Variants in KLHL29 observed in about 807,000 individuals in gnomAD.
The protein encoded by KLHL29 is kelch-like protein 29.
A neutral mutation model predicts 80.4 loss-of-function variants in KLHL29; 21 were observed. That is an observed-to-expected ratio of 0.26 (90% CI 0.19 to 0.38). The LOEUF is 0.38. KLHL29 is among the 10% of genes least tolerant of loss of function. The pLI is 1.00. For synonymous variants in KLHL29, 511 were observed against 526.8 expected, an observed-to-expected ratio of 0.97 and a Z score of 0.41; for missense variants, 867 against 1,223.9, an observed-to-expected ratio of 0.71 and a Z score of 4.35.
At chr2:23,471,213 T>C (rs1664487269) in intron 1 of KLHL29, among the ~76,000 whole-genome samples, 1 of 152,196 alleles carries the variant, frequency 6.6e-6, no homozygotes, top group South Asian at 2.1e-4. Context: ...GGACCCATAA[T>C]TGGAGAGTGT....
intron 2 of KLHL29, among the ~76,000 whole-genome samples, chr2:23,526,381 G>A (rs193206417): frequency 6.0e-4 from 92 of 152,350 alleles, no homozygotes; most frequent in South Asian, 1.0e-3. Context: ...GCCTGGCAGC[G>A]GGACAGCCCA....
At chr2:23,639,318 A>C (rs1487828067) in intron 4 of KLHL29, 38 bp downstream of exon 4, 4 of 1,532,470 alleles carry the variant, frequency 2.6e-6, no homozygotes, top group Non-Finnish European at 3.5e-6. Context: ...GACTGAGCCC[A>C]GGGCTTGGCG....
intron 3 of KLHL29, among the ~76,000 whole-genome samples, chr2:23,584,199 G>C (rs1047660008): frequency 6.6e-6 from 1 of 152,204 alleles, no homozygotes; most frequent in Admixed American, 6.5e-5. Flanking sequence ...TTCTCCAGCT[G>C]CTCCCCTGGG....
At chr2:23,677,341 T>C (rs1320038050) in intron 5 of KLHL29, among the ~76,000 whole-genome samples, 1 of 152,200 alleles carries the variant, frequency 6.6e-6, no homozygotes, top group East Asian at 1.9e-4. Flanking sequence ...TTCCTAGGAC[T>C]TTGGCTCCCT....
intron 1 of KLHL29, among the ~76,000 whole-genome samples, chr2:23,388,989 C>CTTCT (rs759353519): frequency 9.4e-6 from 1 of 106,884 alleles, no homozygotes; most frequent in African/African-American, 3.8e-5. Flanking sequence ...CTTTCTTCTT[C>CTTCT]TTTTTTTTTT....
At chr2:23,476,292 T>G (rs1248225620) in intron 2 of KLHL29, among the ~76,000 whole-genome samples, 1 of 152,048 alleles carries the variant, frequency 6.6e-6, no homozygotes, top group Non-Finnish European at 1.5e-5. Context: ...GTAATTAAGT[T>G]TTATAATTAA....
intron 2 of KLHL29, chr2:23,523,980 C>T (rs564618302): frequency 3.2e-5 from 15 of 471,602 alleles, no homozygotes; most frequent in Non-Finnish European, 5.3e-5. Flanking sequence ...ATGCGTCTTT[C>T]GGGAGCTTGC....
chr2:23,643,016 A>G, intron 5 of KLHL29, 166 bp downstream of exon 5: 1 of 823,812 alleles, frequency 1.2e-6, no homozygotes, highest in Non-Finnish European at 2.1e-6. Flanking sequence ...AACTGGCCTG[A>G]GATGGGGGAG....
intron 1 of KLHL29, among the ~76,000 whole-genome samples, chr2:23,456,674 C>T (rs142221875): frequency 2.0e-5 from 3 of 152,356 alleles, no homozygotes; most frequent in African/African-American, 7.2e-5. Flanking sequence ...CCACATTGCA[C>T]GCTTCAGCCT....
At chr2:23,521,512 G>C (rs11883731) in intron 2 of KLHL29, among the ~76,000 whole-genome samples, 2,297 of 152,296 alleles carry the variant, frequency 0.015, 53 homozygotes, top group African/African-American at 0.052. Context: ...CATTGGGCCA[G>C]CTGGGCAGTC....
chr2:23,651,834 C>A (rs1050694794), intron 5 of KLHL29, among the ~76,000 whole-genome samples: 1 of 152,192 alleles, frequency 6.6e-6, no homozygotes, highest in African/African-American at 2.4e-5. Flanking sequence ...CCTCACGTGG[C>A]CTTTCCTCTG....
intron 2 of KLHL29, among the ~76,000 whole-genome samples, chr2:23,526,252 T>A (rs1409745862): frequency 5.3e-5 from 8 of 150,806 alleles, no homozygotes. Context: ...GCGCATGCAG[T>A]TCAGAGGAAC....
At chr2:23,597,401 ATATATATTTTTTTTTTTTTTTTTTT>A (rs1558402848) in intron 3 of KLHL29, among the ~76,000 whole-genome samples, 682 of 55,292 alleles carry the variant, frequency 0.012, 13 homozygotes, top group Middle Eastern at 0.034. Flanking sequence ...ATATATATAT[ATATATATTTTTTTTTTTTTTTTTTT>A]TTTTTTTTTT....
intron 2 of KLHL29, among the ~76,000 whole-genome samples, chr2:23,501,608 G>A (rs185921382): frequency 6.6e-5 from 10 of 152,058 alleles, no homozygotes; most frequent in East Asian, 3.9e-4. Flanking sequence ...CTGTTTTTTC[G>A]TTTTCCTTCA....
At chr2:23,539,615 AT>A (rs923466790) in intron 2 of KLHL29, among the ~76,000 whole-genome samples, 5 of 150,612 alleles carry the variant, frequency 3.3e-5, no homozygotes, top group Non-Finnish European at 5.9e-5. Context: ...TGATTTTTGT[AT>A]TTTTTTTAAG....
intron 4 of KLHL29, among the ~76,000 whole-genome samples, chr2:23,639,598 C>T (rs558169875): frequency 6.6e-6 from 1 of 152,312 alleles, no homozygotes; most frequent in East Asian, 1.9e-4. Context: ...TAACAAATTT[C>T]TCGAGTCATG....
intron 2 of KLHL29, among the ~76,000 whole-genome samples, chr2:23,538,070 A>G (rs1017648507): frequency 1.3e-5 from 2 of 152,108 alleles, no homozygotes; most frequent in African/African-American, 4.8e-5. Flanking sequence ...GTTTGGCTGG[A>G]CCCCAGTTAG....
chr2:23,554,199 T>C (rs1667201611), intron 2 of KLHL29, among the ~76,000 whole-genome samples: 1 of 152,264 alleles, frequency 6.6e-6, no homozygotes, highest in Admixed American at 6.5e-5. Flanking sequence ...AGTTCCTTTG[T>C]GTTGCATTTG....
Position 23,682,685 on chromosome 2 carries a change from C to T in KLHL29, c.941-1714C>T, listed in dbSNP as rs750983566. Reference sequence around the variant, plus strand: ...TCGTGCTCCTGCACCCTCCCACACCCTCCCGCACCCTCCCGCGCCCTCCCA... The same window carrying T: ...TCGTGCTCCTGCACCCTCCCACACCTTCCCGCACCCTCCCGCGCCCTCCCA... On this transcript the variant is annotated intron_variant, in intron 5 of 13. Transcript: ENST00000486442. This position sits in a 1 kb window ranked among gnomAD's most constrained non-coding sequence, Gnocchi z 4.1. Among the ~76,000 whole-genome samples the T allele has an allele frequency of 1.3e-5, 2 of 151,424 alleles. No homozygotes were observed. Among genetic ancestry groups the T allele is most frequent in the African/African-American group, 2.4e-5 (1 of 41,330 alleles).
Sources: gnomAD v4.1 joint callset for allele counts (sites outside exome capture counted in the v4.1 genomes callset) on GRCh38, gnomAD v4.1.1 for gene constraint, Gnocchi (gnomAD v3.1) non-coding constraint, MANE v1.5 for transcripts, NCBI Gene and HGNC (gene_info 2026-07-23, HGNC 2026-07-21) for gene names.